The following ROBO1 variants were observed in gnomAD, a reference collection of about 807,000 sequenced individuals.
ROBO1 encodes the protein roundabout homolog 1.
Under a neutral mutation model 195.9 loss-of-function variants are expected in ROBO1, and 149 were observed. The observed-to-expected ratio is 0.76, with a 90% confidence interval of 0.67 to 0.87. The LOEUF (loss-of-function observed/expected upper bound fraction) is 0.87. Among genes scored for constraint, ROBO1 ranks in the 40% least tolerant of loss-of-function variants. The pLI, the probability that ROBO1 is intolerant of heterozygous loss-of-function variation, is 0.00. For synonymous variants in ROBO1, 816 were observed against 733.2 expected (o/e 1.11, Z -1.82); for missense variants, 1,933 against 2,068.3 (o/e 0.93, Z 1.27).
At chr3:79,263,153 G>A (rs1032576399) in intron 2 of ROBO1, among the ~76,000 whole-genome samples, 9 of 151,944 alleles carry the variant, frequency 5.9e-5, no homozygotes, top group South Asian at 2.1e-4. Flanking sequence ...TGAAATCTGC[G>A]CTCTCAACTC....
chr3:79,089,570 A>G (rs1335384316), intron 3 of ROBO1, among the ~76,000 whole-genome samples: 3 of 152,170 alleles, frequency 2.0e-5, no homozygotes, highest in Non-Finnish European at 4.4e-5. Flanking sequence ...AAATTTGCTG[A>G]ATCAAAGAGA....
intron 4 of ROBO1, among the ~76,000 whole-genome samples, chr3:78,932,737 G>T (rs2039597979): frequency 6.6e-6 from 1 of 152,042 alleles, no homozygotes; most frequent in Non-Finnish European, 1.5e-5. Context: ...TACATAATGT[G>T]CAGGAAAAAA....
At chr3:78,832,909 A>T (rs144991651) in intron 4 of ROBO1, among the ~76,000 whole-genome samples, 20 of 152,220 alleles carry the variant, frequency 1.3e-4, no homozygotes, top group Middle Eastern at 6.8e-3. Flanking sequence ...GCAAACCATT[A>T]ACAGTTTAGT....
At chr3:79,730,768 CTTTTTTTTTTT>C (rs66527491) in intron 1 of ROBO1, among the ~76,000 whole-genome samples, 33,183 of 96,638 alleles carry the variant, frequency 0.34, 3,780 homozygotes, top group East Asian at 0.42. Context: ...CCTGTATTTC[CTTTTTTTTTTT>C]TTTTTTTTTT....
chr3:79,404,774 G>C (rs938030114), intron 2 of ROBO1, among the ~76,000 whole-genome samples: 1 of 151,670 alleles, frequency 6.6e-6, no homozygotes, highest in African/African-American at 2.4e-5. Context: ...TACTTACCAT[G>C]GCCATTAAAA....
At chr3:78,779,843 T>C (rs2083619670) in intron 4 of ROBO1, among the ~76,000 whole-genome samples, 1 of 152,088 alleles carries the variant, frequency 6.6e-6, no homozygotes, top group Admixed American at 6.5e-5. Context: ...TAGCAAAGAC[T>C]TGGAACCAAC....
intron 4 of ROBO1, among the ~76,000 whole-genome samples, chr3:78,801,443 C>T (rs546280305): frequency 3.1e-4 from 47 of 152,146 alleles, no homozygotes; most frequent in African/African-American, 1.1e-3. Flanking sequence ...ATATCAAAGT[C>T]TAAAATTCCA....
intron 24 of ROBO1, among the ~76,000 whole-genome samples, chr3:78,632,319 T>C (rs1705232477): frequency 6.6e-6 from 1 of 152,284 alleles, no homozygotes; most frequent in South Asian, 2.1e-4. Flanking sequence ...GCAGTGTTTG[T>C]TAAGCCAGAT....
At chr3:79,346,353 T>C (rs2035120093) in intron 2 of ROBO1, among the ~76,000 whole-genome samples, 1 of 152,124 alleles carries the variant, frequency 6.6e-6, no homozygotes, top group Non-Finnish European at 1.5e-5. Flanking sequence ...ACTTTCAATT[T>C]GTAGAGTCTG....
intron 2 of ROBO1, among the ~76,000 whole-genome samples, chr3:79,245,310 A>G (rs1190180176): frequency 6.6e-6 from 1 of 152,122 alleles, no homozygotes; most frequent in Non-Finnish European, 1.5e-5. Context: ...AGACATCTAC[A>G]TATTCTTTCA....
At chr3:78,928,528 G>A (rs2039336292) in intron 4 of ROBO1, among the ~76,000 whole-genome samples, 1 of 152,038 alleles carries the variant, frequency 6.6e-6, no homozygotes, top group Admixed American at 6.6e-5. Flanking sequence ...GAATTTTAGG[G>A]CTACTTTGCG....
At chr3:78,637,938 A>G (rs1705625744) in intron 22 of ROBO1, among the ~76,000 whole-genome samples, 1 of 146,720 alleles carries the variant, frequency 6.8e-6, no homozygotes, top group Admixed American at 6.9e-5. Context: ...GAGATTCCAT[A>G]CAATAATTTT....
chr3:79,693,811 C>A (rs1329356211), intron 1 of ROBO1, among the ~76,000 whole-genome samples: 1 of 151,332 alleles, frequency 6.6e-6, no homozygotes, highest in Non-Finnish European at 1.5e-5. Context: ...CTCAAGGACA[C>A]CAAAAATGAT....
chr3:78,603,899 T>C (rs1014443882), intron 29 of ROBO1, among the ~76,000 whole-genome samples: 4 of 152,118 alleles, frequency 2.6e-5, no homozygotes, highest in Non-Finnish European at 4.4e-5. Flanking sequence ...ACTTCGTTTG[T>C]TACAAATATT....
At chr3:79,730,693 G>T (rs183885671) in intron 1 of ROBO1, among the ~76,000 whole-genome samples, 52 of 149,454 alleles carry the variant, frequency 3.5e-4, no homozygotes, top group Admixed American at 1.7e-3. Context: ...TGTACCAAAA[G>T]TTCTGTTCTT....
intron 1 of ROBO1, among the ~76,000 whole-genome samples, chr3:79,602,535 A>C (rs1452252428): frequency 6.6e-6 from 1 of 152,000 alleles, no homozygotes; most frequent in African/African-American, 2.4e-5. Context: ...AGTATCTGAT[A>C]AACACCTAAT....
chr3:79,265,069 A>G (rs1412765195), intron 2 of ROBO1, among the ~76,000 whole-genome samples: 1 of 151,894 alleles, frequency 6.6e-6, no homozygotes, highest in Non-Finnish European at 1.5e-5. Flanking sequence ...TAGGGCTGGG[A>G]AAGTTATTTA....
At chr3:79,413,260 G>T (rs746790819) in intron 2 of ROBO1, among the ~76,000 whole-genome samples, 1 of 151,994 alleles carries the variant, frequency 6.6e-6, no homozygotes, top group Non-Finnish European at 1.5e-5. Context: ...TCCCTGTTCT[G>T]CAGCAGAGTG....
chr3:78,958,601 A>T (rs182553575), intron 3 of ROBO1, among the ~76,000 whole-genome samples: 9 of 151,372 alleles, frequency 5.9e-5, no homozygotes, highest in African/African-American at 2.2e-4. Context: ...ACTTTCAAAT[A>T]AAACTATATA....
Sources: allele counts gnomAD v4.1 joint callset (sites outside exome capture counted in the v4.1 genomes callset), GRCh38; gene constraint gnomAD v4.1.1; transcripts MANE v1.5; gene names NCBI Gene and HGNC (gene_info 2026-07-23, HGNC 2026-07-21).